UNC79: variants seen among roughly 807,000 people sequenced by gnomAD.
UNC79 encodes the protein unc-79 subunit of NALCN channel complex.
Under a neutral mutation model 283.1 loss-of-function variants are expected in UNC79, and 37 were observed. The observed-to-expected ratio is 0.13, with a 90% CI of 0.10 to 0.17. UNC79 has a LOEUF of 0.17. UNC79 is among the 10% of genes least tolerant of loss of function. The pLI is 1.00. For missense variants in UNC79, 2,272 were observed against 3,211.1 expected (o/e 0.71, Z 7.07); for synonymous variants, 1,107 against 1,200.2 (o/e 0.92, Z 1.61).
At chr14:93,389,753 G>A (rs192938184) in intron 1 of UNC79, among the ~76,000 whole-genome samples, 94 of 151,984 alleles carry the variant, frequency 6.2e-4, no homozygotes, top group African/African-American at 2.0e-3. Flanking sequence ...CTGGGTTCAA[G>A]CAATTTTCCT....
chr14:93,572,284 G>T (rs1483605020), intron 15 of UNC79, among the ~76,000 whole-genome samples, 200 bp downstream of exon 15: 1 of 152,148 alleles, frequency 6.6e-6, no homozygotes, highest in Non-Finnish European at 1.5e-5. Flanking sequence ...GTCCAGAAAA[G>T]ATTTTGTTCT....
At chr14:93,413,428 G>T (rs2055378255) in intron 1 of UNC79, among the ~76,000 whole-genome samples, 1 of 150,804 alleles carries the variant, frequency 6.6e-6, no homozygotes, top group Non-Finnish European at 1.5e-5. Context: ...GTCTATCATT[G>T]TTGGCCATTT....
chr14:93,557,668 G>T (rs2062252140), intron 14 of UNC79, among the ~76,000 whole-genome samples: 1 of 152,058 alleles, frequency 6.6e-6, no homozygotes, highest in Non-Finnish European at 1.5e-5. Flanking sequence ...CCCCCATATG[G>T]TCACAAAGAC....
chr14:93,602,236 A>G (rs932470268), intron 25 of UNC79, among the ~76,000 whole-genome samples: 1 of 152,122 alleles, frequency 6.6e-6, no homozygotes, highest in Non-Finnish European at 1.5e-5. Flanking sequence ...ACGGTTTCAG[A>G]TCTTAGATTT....
intron 32 of UNC79, 178 bp downstream of exon 35, chr14:93,637,477 A>G (rs1024691306): frequency 3.6e-6 from 4 of 1,110,992 alleles, no homozygotes; most frequent in Non-Finnish European, 5.0e-6. Flanking sequence ...AACATGGCCA[A>G]CAGTTCTTCC....
At chr14:93,592,181 T>A (rs2064735554) in intron 22 of UNC79, among the ~76,000 whole-genome samples, 1 of 147,310 alleles carries the variant, frequency 6.8e-6, no homozygotes, top group African/African-American at 2.5e-5. Flanking sequence ...CCTTTTTTTT[T>A]TTTTTTTTTT....
At chr14:93,377,238 C>T (rs973317447) in intron 1 of UNC79, among the ~76,000 whole-genome samples, 21 of 151,868 alleles carry the variant, frequency 1.4e-4, no homozygotes, top group Admixed American at 9.2e-4. Flanking sequence ...TACAGGCGCC[C>T]GCCACCATGC....
intron 27 of UNC79, among the ~76,000 whole-genome samples, chr14:93,616,174 T>C (rs2139830913): frequency 6.6e-6 from 1 of 152,240 alleles, no homozygotes. Context: ...TCTGTAGTTA[T>C]ACAAACAGTA....
intron 47 of UNC79, among the ~76,000 whole-genome samples, chr14:93,702,932 A>G (rs2075634526): frequency 6.6e-6 from 1 of 152,224 alleles, no homozygotes; most frequent in Non-Finnish European, 1.5e-5. Flanking sequence ...GGCTGCTGCC[A>G]CGGTGATCTG....
At chr14:93,361,211 C>CAAAAAAAAAA (rs58267219) in intron 1 of UNC79, among the ~76,000 whole-genome samples, 94 of 54,324 alleles carry the variant, frequency 1.7e-3, no homozygotes, top group East Asian at 2.4e-3. Flanking sequence ...GACTCTGTCT[C>CAAAAAAAAAA]AAAAAAAAAA....
intron 1 of UNC79, among the ~76,000 whole-genome samples, chr14:93,392,910 G>T (rs1289498769): frequency 6.6e-5 from 10 of 152,202 alleles, no homozygotes; most frequent in African/African-American, 2.4e-4. Flanking sequence ...ATGCCTTGGG[G>T]ATAGTATGGA....
chr14:93,500,114 C>T (rs2059209548), intron 7 of UNC79, among the ~76,000 whole-genome samples: 1 of 152,102 alleles, frequency 6.6e-6, no homozygotes, highest in Admixed American at 6.6e-5. Flanking sequence ...ATGAGATTTG[C>T]CTGTTCAGAG....
At chr14:93,396,949 G>T (rs1441450037) in intron 1 of UNC79, among the ~76,000 whole-genome samples, 1 of 152,032 alleles carries the variant, frequency 6.6e-6, no homozygotes, top group Non-Finnish European at 1.5e-5. Flanking sequence ...TCACCACTGA[G>T]TATGGGCACA....
Position 93,497,143 on chromosome 14 carries a change from G to A in UNC79, c.769-14G>A. 1 of 1,603,856 alleles carries A rather than the reference G, an allele frequency of 6.2e-7. No individual in the cohort carries two copies. The highest frequency in any genetic ancestry group is 2.2e-5 in the East Asian group (1 of 44,748). ...CATGATGCTAAGTCAAAATATGCTTGCTGTTTCCTTTAGGATCTTTTGTAT... is the reference window on the plus strand; with the variant it reads ...CATGATGCTAAGTCAAAATATGCTTACTGTTTCCTTTAGGATCTTTTGTAT... On this transcript the variant is annotated splice_polypyrimidine_tract_variant and intron_variant, in intron 6 of 48. Transcript: ENST00000555664.
intron 47 of UNC79, among the ~76,000 whole-genome samples, chr14:93,696,638 T>G (rs1304066925): frequency 6.6e-6 from 1 of 152,168 alleles, no homozygotes; most frequent in Non-Finnish European, 1.5e-5. Flanking sequence ...TCTGTTAAAA[T>G]TATTTGCCCA....
intron 7 of UNC79, among the ~76,000 whole-genome samples, chr14:93,518,235 G>C (rs2060162878): frequency 1.3e-5 from 2 of 151,912 alleles, no homozygotes; most frequent in African/African-American, 4.8e-5. Context: ...TGGACTTGGG[G>C]TTTCTTTGAG....
intron 1 of UNC79, among the ~76,000 whole-genome samples, chr14:93,370,139 C>T (rs541124678): frequency 8.5e-5 from 13 of 152,118 alleles, no homozygotes; most frequent in African/African-American, 2.2e-4. Context: ...ACCTGGCACA[C>T]GATATCCGGC....
intron 25 of UNC79, among the ~76,000 whole-genome samples, chr14:93,601,536 G>A (rs1002561487): frequency 6.6e-6 from 1 of 152,144 alleles, no homozygotes; most frequent in African/African-American, 2.4e-5. Context: ...CCATATTTTT[G>A]CAATTGTGAA....
intron 14 of UNC79, 87 bp from the exon 15 acceptor site, chr14:93,571,807 T>C (rs1595905036): frequency 7.0e-7 from 1 of 1,422,056 alleles, no homozygotes; most frequent in East Asian, 2.4e-5. Context: ...GGCCTTTCTC[T>C]GTACCCATTG....
Sources: gnomAD v4.1 joint callset for allele counts (sites outside exome capture counted in the v4.1 genomes callset) on GRCh38, gnomAD v4.1.1 for gene constraint, MANE v1.5 for transcripts, NCBI Gene and HGNC (gene_info 2026-07-23, HGNC 2026-07-21) for gene names.